IQGAP3: variants seen among roughly 807,000 people sequenced by gnomAD.
The protein encoded by IQGAP3 is IQ motif containing GTPase activating protein 3, also known as ras GTPase-activating-like protein IQGAP3.
In IQGAP3, 165 loss-of-function variants were observed where a neutral mutation model predicts 208.2. The ratio of observed to expected loss-of-function variants is 0.79; its 90% CI spans 0.70 to 0.90. The LOEUF (loss-of-function observed/expected upper bound fraction) is 0.90. IQGAP3 is among the 40% of genes least tolerant of loss of function. The pLI is 0.00. For synonymous variants in IQGAP3, 703 were observed against 803.6 expected, an observed-to-expected ratio of 0.87 and a Z score of 2.12; for missense variants, 1,811 against 2,043.1, an observed-to-expected ratio of 0.89 and a Z score of 2.19.
chr1:156,533,048 C>A lies in IQGAP3; in HGVS notation c.4035G>T (p.Thr1345=), dbSNP rs757666735. The change falls in exon 32 of 38, where the codon ACG becomes ACT. Residue 1345 remains threonine (T), a synonymous_variant. Transcript: ENST00000361170. ...CTAGTCCTTCAAACTTGTTGGTCAGCGTCAGGGACACTTCTAGCTTGCTCA... is the reference window on the plus strand; with the variant it reads ...CTAGTCCTTCAAACTTGTTGGTCAGAGTCAGGGACACTTCTAGCTTGCTCA... The part of the protein sequence containing the change: ...TDLSKLEVSL[T]LTNKFEGLEA... 3 of 1,614,102 alleles carry A rather than the reference C, an allele frequency of 1.9e-6. No homozygotes were observed. The highest frequency in any genetic ancestry group is 2.5e-6 in the Non-Finnish European group (3 of 1,180,000).
intron 9 of IQGAP3, 132 bp from the exon 10 acceptor site, chr1:156,562,133 GC>G: frequency 1.2e-6 from 1 of 865,406 alleles, no homozygotes; most frequent in Non-Finnish European, 1.7e-6. Context: ...TGGTTCCTGG[GC>G]CCATTTGGTT....
chr1:156,543,987 T>C lies in IQGAP3; in HGVS notation c.2524A>G (p.Ile842Val), dbSNP rs758690948. The C allele has an allele frequency of 6.2e-7, 1 of 1,614,036 alleles. No homozygotes were observed. The highest frequency in any genetic ancestry group is 1.1e-5 in the South Asian group (1 of 91,076). The change falls in exon 22 of 38, where the codon ATA becomes GTA. Residue 842 changes from isoleucine (I) to valine (V), a missense_variant. Transcript: ENST00000361170. ...RARKAQDDYR[I>V]LVHAPHPPLS... The stretch of plus-strand genomic sequence containing the variant: ...GGTGGATCAGGCAGCTCACCTAATA[T>C]CCTGTAGTCATCTTGGGCTTTCCTG...
At chr1:156,527,050 C>G (rs1377915196) in intron 37 of IQGAP3, among the ~76,000 whole-genome samples, 7 of 150,710 alleles carry the variant, frequency 4.6e-5, no homozygotes, top group African/African-American at 1.2e-4. Flanking sequence ...CCAGGCTGGT[C>G]TTGAACTGCT....
intron 26 of IQGAP3, 38 bp from the exon 27 acceptor site, chr1:156,537,359 C>T (rs774156467): frequency 3.8e-6 from 6 of 1,561,272 alleles, no homozygotes; most frequent in South Asian, 3.6e-5. Context: ...GCAGGAGCCC[C>T]CTCCAATGGC....
At chr1:156,564,758 G>A (rs1012493736) in intron 4 of IQGAP3, 67 bp from the exon 5 acceptor site, 14 of 1,143,146 alleles carry the variant, frequency 1.2e-5, no homozygotes, top group Admixed American at 1.7e-5. Context: ...CGGAGAGGGG[G>A]TGCCGAGGAA....
chr1:156,555,715 T>C (rs754153239), intron 12 of IQGAP3, among the ~76,000 whole-genome samples: 2 of 152,236 alleles, frequency 1.3e-5, no homozygotes, highest in Non-Finnish European at 2.9e-5. Flanking sequence ...TTCAAAGAAA[T>C]TGAGCAGCAG....
rs1674488742 is a variant in IQGAP3, at chr1:156,533,047, G to T, written c.4036C>A (p.Leu1346Met). 1 of 1,614,006 alleles carries T rather than the reference G, an allele frequency of 6.2e-7. No homozygotes were observed. Among genetic ancestry groups the T allele is most frequent in the Non-Finnish European group, 8.5e-7 (1 of 1,180,004 alleles). The change falls in exon 32 of 38, where the codon CTG becomes ATG. Residue 1346 changes from leucine (L) to methionine (M), a missense_variant. Leu to Met is a conservative substitution (Grantham distance 15). Transcript: ENST00000361170. ...TCTAGTCCTTCAAACTTGTTGGTCA[G>T]CGTCAGGGACACTTCTAGCTTGCTC... Reference protein sequence around the residue: ...DLSKLEVSLTLTNKFEGLEAD... With the variant: ...DLSKLEVSLTMTNKFEGLEAD...
intron 27 of IQGAP3, among the ~76,000 whole-genome samples, chr1:156,535,657 A>G (rs766109963): frequency 6.6e-6 from 1 of 152,222 alleles, no homozygotes; most frequent in Non-Finnish European, 1.5e-5. Context: ...GTCCTAGGAC[A>G]GCCTAGGTGG....
In IQGAP3 at chr1:156,540,008, C is replaced by G; in HGVS notation, c.2740-18G>C. The G allele has an allele frequency of 6.2e-7, 1 of 1,613,918 alleles. No homozygotes were observed. Among genetic ancestry groups the G allele is most frequent in the Non-Finnish European group, 8.5e-7 (1 of 1,179,940 alleles). ...ACCACTTCCTGCAGGGGTGGAGGAG[C>G]GGGTGATACAACTAGCCTAGGCCAT... On this transcript the variant is annotated intron_variant, in intron 23 of 37. Transcript: ENST00000361170.
chr1:156,567,632 C>T (rs752273068), intron 2 of IQGAP3, among the ~76,000 whole-genome samples: 1 of 152,134 alleles, frequency 6.6e-6, no homozygotes, highest in Non-Finnish European at 1.5e-5. Context: ...TATCTGTTTC[C>T]AAAAAGAGAG....
chr1:156,528,492 C>T lies in IQGAP3; in HGVS notation c.4673+17G>A, dbSNP rs1487870383. The T allele has an allele frequency of 3.1e-6, 5 of 1,591,628 alleles. No homozygotes were observed. Among genetic ancestry groups the T allele is most frequent in the Middle Eastern group, 1.7e-4 (1 of 5,956 alleles). On this transcript the variant is annotated intron_variant, in intron 36 of 37. Transcript: ENST00000361170. ...GGACAGGAAGGGGCTGACATCCTGC[C>T]CTCCAAAGACACATACTGAGAGGCG...
At chr1:156,533,459 G>C (rs1394884116) in intron 31 of IQGAP3, among the ~76,000 whole-genome samples, 3 of 152,130 alleles carry the variant, frequency 2.0e-5, no homozygotes, top group African/African-American at 7.2e-5. Context: ...CAGTAAGTTG[G>C]CTTCCTCCTA....
chr1:156,540,557 A>G (rs763172051), intron 23 of IQGAP3, 151 bp downstream of exon 23: 5 of 642,080 alleles, frequency 7.8e-6, no homozygotes, highest in African/African-American at 1.8e-5. Flanking sequence ...GATTTATTAG[A>G]ATGGCAGAGG....
intron 25 of IQGAP3, 45 bp downstream of exon 25, chr1:156,539,329 T>C: frequency 6.3e-7 from 1 of 1,579,302 alleles, no homozygotes; most frequent in Non-Finnish European, 8.7e-7. Context: ...CAGGGGGATC[T>C]CTTAACCCAT....
At chr1:156,538,718 G>T in intron 26 of IQGAP3, 91 bp downstream of exon 26, 4 of 1,079,234 alleles carry the variant, frequency 3.7e-6, no homozygotes, top group Non-Finnish European at 5.6e-6. Context: ...CACCTTCAAA[G>T]TACACCCAAG....
In IQGAP3 at chr1:156,539,009, G is replaced by C. The variant is rs770909857; in HGVS notation, c.3081C>G (p.Asp1027Glu). ...CCACTGTTGGGTTGCCTGTCACCAC[G>C]TCCTGGGGCTGCTCCACCTTTGACC... ...EIKSKVEQPQ[D>E]VVTGNPTVVR... The change falls in exon 26 of 38, where the codon GAC becomes GAG. Residue 1027 changes from aspartate (D) to glutamate (E), a missense_variant. Transcript: ENST00000361170. 15 of 1,613,914 alleles carry C rather than the reference G, an allele frequency of 9.3e-6. No individual in the cohort carries two copies. The highest frequency in any genetic ancestry group is 1.2e-5 in the Non-Finnish European group (14 of 1,179,958).
chr1:156,569,288 C>A, intron 2 of IQGAP3, 88 bp downstream of exon 2: 1 of 803,818 alleles, frequency 1.2e-6, no homozygotes, highest in South Asian at 1.5e-5. Context: ...GACTCTCGAT[C>A]TGTTGCATTT....
chr1:156,534,837 C>T, intron 28 of IQGAP3, 104 bp from the exon 29 acceptor site: 1 of 859,484 alleles, frequency 1.2e-6, no homozygotes, highest in Admixed American at 3.1e-5. Flanking sequence ...TGGGCCAACC[C>T]CCTCACTTCA....
At position 156,533,174 on chromosome 1, in the gene IQGAP3, C is replaced by A. The variant is rs557684405; in HGVS notation, c.3977-68G>T. 2 of 1,572,262 alleles carry A rather than the reference C, an allele frequency of 1.3e-6. 1 individual carries two copies. The highest frequency in any genetic ancestry group is 2.2e-5 in the South Asian group (2 of 89,232). On this transcript the variant is annotated intron_variant, in intron 31 of 37. Transcript: ENST00000361170. ...ACACATGCGCACACACACATACACA[C>A]ACACACATGCACCGATGGGGTCACA...
Sources: allele counts gnomAD v4.1 joint callset (sites outside exome capture counted in the v4.1 genomes callset), GRCh38; gene constraint gnomAD v4.1.1; transcripts MANE v1.5; gene names NCBI Gene and HGNC (gene_info 2026-07-23, HGNC 2026-07-21).